Variants in RBPJ observed in about 807,000 individuals in gnomAD.
RBPJ encodes recombination signal binding protein for immunoglobulin kappa J region.
Under a neutral mutation model 67.8 loss-of-function variants are expected in RBPJ, and 9 were observed. The ratio of observed to expected loss-of-function variants is 0.13; its 90% CI spans 0.08 to 0.23. The LOEUF (loss-of-function observed/expected upper bound fraction) is 0.23. Among genes scored for constraint, RBPJ ranks in the 10% least tolerant of loss-of-function variants. RBPJ has a pLI of 1.00. For synonymous variants in RBPJ, 198 were observed against 203.3 expected, an observed-to-expected ratio of 0.97 and a Z score of 0.22; for missense variants, 305 against 595.6, an observed-to-expected ratio of 0.51 and a Z score of 5.08.
intron 1 of RBPJ, among the ~76,000 whole-genome samples, chr4:26,376,874 G>T (rs1364841976): frequency 2.6e-5 from 4 of 152,118 alleles, no homozygotes; most frequent in African/African-American, 9.7e-5. Context: ...GTTTTGATTT[G>T]CATTTCCCTA....
chr4:26,191,200 TATATATATATAGAGAGAGAGAGAG>T (rs1717513163), intron 1 of RBPJ, among the ~76,000 whole-genome samples: 1 of 31,324 alleles, frequency 3.2e-5, no homozygotes, highest in African/African-American at 1.1e-4. Flanking sequence ...TATATATATA[TATATATATATAGAGAGAGAGAGAG>T]AGAGAGAGAG....
chr4:26,117,984 A>C, the RBPJ span, among the ~76,000 whole-genome samples: 6 of 151,932 alleles, frequency 3.9e-5, no homozygotes, highest in Non-Finnish European at 5.9e-5. Flanking sequence ...TATTTGTGAC[A>C]TTTTAGATAT....
intron 1 of RBPJ, among the ~76,000 whole-genome samples, chr4:26,346,576 A>G (rs1029560794): frequency 4.6e-5 from 7 of 152,164 alleles, no homozygotes; most frequent in Non-Finnish European, 4.4e-5. Flanking sequence ...TCTTTGTGAG[A>G]AAGGAAAATG....
chr4:26,354,868 A>G (rs1394334959), intron 1 of RBPJ, among the ~76,000 whole-genome samples: 1 of 152,208 alleles, frequency 6.6e-6, no homozygotes, highest in Non-Finnish European at 1.5e-5. Flanking sequence ...GTACAAATAG[A>G]GATGGACTGT....
At chr4:26,134,315 G>C in the RBPJ span, among the ~76,000 whole-genome samples, 2 of 152,216 alleles carry the variant, frequency 1.3e-5, no homozygotes, top group Middle Eastern at 6.8e-3. Flanking sequence ...CTATTTAGAG[G>C]ACATGACCTG....
At chr4:26,145,015 CCTT>C in the RBPJ span, among the ~76,000 whole-genome samples, 5 of 148,166 alleles carry the variant, frequency 3.4e-5, no homozygotes, top group African/African-American at 1.2e-4. Flanking sequence ...CCTCAACCTG[CCTT>C]CTTCTTCTTC....
chr4:26,182,261 G>C (rs1422074329), intron 1 of RBPJ, among the ~76,000 whole-genome samples: 1 of 152,096 alleles, frequency 6.6e-6, no homozygotes, highest in East Asian at 2.0e-4. Flanking sequence ...AGAATGGCGT[G>C]AACCCGGGAG....
chr4:26,160,695 T>C (rs890459322), upstream of RBPJ, among the ~76,000 whole-genome samples: 1 of 152,148 alleles, frequency 6.6e-6, no homozygotes, highest in East Asian at 1.9e-4. Flanking sequence ...ATTTCCAGAG[T>C]AAAAGGAGAA....
rs577696749 is a variant in RBPJ at position 26,173,922 on chromosome 4, T to C, written c.-167+10308T>C. Reference sequence around the variant, plus strand: ...AACGTGATAAGCGCAATAGGAGAGGTGTGTACAAAGTACCGTAGGGAAGCA... The same window carrying C: ...AACGTGATAAGCGCAATAGGAGAGGCGTGTACAAAGTACCGTAGGGAAGCA... On this transcript the variant is annotated intron_variant, in intron 1 of 4. Transcript: ENST00000512351. Among the ~76,000 whole-genome samples, 4 of 152,144 alleles carry C rather than the reference T, an allele frequency of 2.6e-5. No homozygotes were observed. The East Asian group carries it at 7.7e-4, about 29-fold the overall frequency.
intron 2 of RBPJ, among the ~76,000 whole-genome samples, chr4:26,400,882 A>G (rs1230910564): frequency 6.6e-6 from 1 of 152,244 alleles, no homozygotes; most frequent in Non-Finnish European, 1.5e-5. Context: ...TGCCTAGAAT[A>G]TAGTAAGCTT....
the RBPJ span, among the ~76,000 whole-genome samples, chr4:26,153,748 C>T: frequency 4.6e-5 from 7 of 152,312 alleles, no homozygotes; most frequent in Non-Finnish European, 8.8e-5. Context: ...CGTTTTTCTG[C>T]AGTGTTAACA....
At chr4:26,396,800 A>C (rs1157177831) in intron 2 of RBPJ, among the ~76,000 whole-genome samples, 2 of 152,258 alleles carry the variant, frequency 1.3e-5, no homozygotes, top group African/African-American at 4.8e-5. Flanking sequence ...TACTTCTGCT[A>C]TAAAAAGAGA....
At chr4:26,316,440 C>CAT (rs1400490616), upstream of RBPJ, among the ~76,000 whole-genome samples, 356 of 132,202 alleles carry the variant, frequency 2.7e-3, 3 homozygotes, top group East Asian at 9.4e-3. Context: ...TATATACATT[C>CAT]ATATACATTC....
rs377413423 is a variant in RBPJ, at chr4:26,415,446, G to GT, written c.156-18dup. On this transcript the variant is annotated intron_variant, in intron 3 of 10. Transcript: ENST00000355476. ...TGAATCTAATTGATTTTTGCTTCTT[G>GT]TTTTTTTTTTTCCCCTATTATTCTT... 167,673 of 1,097,188 alleles carry GT rather than the reference G, an allele frequency of 0.15. 1,914 individuals are homozygous for GT. The highest frequency in any genetic ancestry group is 0.17 in the Non-Finnish European group (138,817 of 815,346). 68.0% of individuals were successfully genotyped at this position (1,097,188 alleles called of 1,614,324 possible).
rs1735428162 is a variant in RBPJ, at chr4:26,424,334, CT to C, written c.497-5del. On this transcript the variant is annotated splice_polypyrimidine_tract_variant and splice_region_variant and intron_variant, in intron 5 of 10. Coordinates refer to ENST00000355476, the MANE Select transcript of RBPJ (RefSeq NM_015874.6). This position sits in a 1 kb window ranked among gnomAD's most constrained non-coding sequence, Gnocchi z 5.3. ...ATCACATAAATAAGAGCTGTTTTTT[CT>C]TTGCAGTATGCATTGCCTCAGGAAC... 6.2e-7 allele frequency: 1 copy of C among 1,611,308 alleles called. No individual in the cohort carries two copies. The highest frequency in any genetic ancestry group is 1.7e-5 in the Admixed American group (1 of 59,638).
At chr4:26,364,305 G>C (rs1288250511) in intron 1 of RBPJ, among the ~76,000 whole-genome samples, 2 of 152,188 alleles carry the variant, frequency 1.3e-5, no homozygotes, top group African/African-American at 4.8e-5. Flanking sequence ...ATCTAATCAA[G>C]TTCCAAGATA....
chr4:26,245,306 T>C (rs1719892615), intron 1 of RBPJ, among the ~76,000 whole-genome samples: 1 of 150,676 alleles, frequency 6.6e-6, no homozygotes, highest in Admixed American at 6.7e-5. Flanking sequence ...CCTCCCGGGT[T>C]CAAGCAATTC....
intron 1 of RBPJ, among the ~76,000 whole-genome samples, chr4:26,328,132 A>G (rs939608374): frequency 3.3e-5 from 5 of 149,816 alleles, no homozygotes; most frequent in South Asian, 2.1e-4. Context: ...TTTTAATTTG[A>G]TAACATTTTT....
At chr4:26,137,409 T>G in the RBPJ span, among the ~76,000 whole-genome samples, 2 of 152,184 alleles carry the variant, frequency 1.3e-5, no homozygotes, top group African/African-American at 4.8e-5. Context: ...AACTTCTTTC[T>G]TGGCTCTAAA....
Sources: gnomAD v4.1 joint callset for allele counts (sites outside exome capture counted in the v4.1 genomes callset) on GRCh38, gnomAD v4.1.1 for gene constraint, Gnocchi (gnomAD v3.1) non-coding constraint, MANE v1.5 for transcripts, NCBI Gene and HGNC (gene_info 2026-07-23, HGNC 2026-07-21) for gene names.